Variants in SLC25A13 observed in about 807,000 individuals in gnomAD.
The protein encoded by SLC25A13 is solute carrier family 25 member 13.
SLC25A13 carries 70 observed loss-of-function variants against 85.5 expected under a neutral mutation model. The observed-to-expected ratio is 0.82, with a 90% CI of 0.68 to 1.00. The LOEUF is 1.00. Among genes scored for constraint, SLC25A13 ranks in the 50% least tolerant of loss-of-function variants. SLC25A13 has a pLI of 0.00. For synonymous variants in SLC25A13, 259 were observed against 288.7 expected (o/e 0.90, Z 1.04); for missense variants, 765 against 819.8 (o/e 0.93, Z 0.82).
chr7:96,224,719 C>T (rs952624614), intron 4 of SLC25A13, among the ~76,000 whole-genome samples: 2 of 152,118 alleles, frequency 1.3e-5, no homozygotes, highest in African/African-American at 4.8e-5. Flanking sequence ...GAAAAAAAAT[C>T]GTAACTAATG....
rs551681995 is a variant in SLC25A13, at chr7:96,247,987, G to A, written c.213-13070C>T. 2.1e-4 allele frequency among the ~76,000 whole-genome samples: 32 copies of A among 149,492 alleles called. 1 individual carries two copies. The highest frequency in any genetic ancestry group is 6.4e-4 in the African/African-American group (26 of 40,778). On this transcript the variant is annotated intron_variant, in intron 3 of 17. Transcript: ENST00000265631. ...AAAAAAAAAAAAAGAAAGAGTAGCC[G>A]CTGTCTCAAATACTCTCCATCAGCC...
intron 13 of SLC25A13, among the ~76,000 whole-genome samples, chr7:96,166,288 T>C (rs560663073): frequency 6.6e-6 from 1 of 152,320 alleles, no homozygotes; most frequent in East Asian, 1.9e-4. Context: ...AGGACCATAG[T>C]TTAAAAAACA....
chr7:96,249,589 T>C (rs180926472), intron 3 of SLC25A13, among the ~76,000 whole-genome samples: 10 of 152,344 alleles, frequency 6.6e-5, no homozygotes, highest in Non-Finnish European at 1.5e-5. Flanking sequence ...GTTTCCCCAT[T>C]CTATGCCATC....
intron 2 of SLC25A13, among the ~76,000 whole-genome samples, chr7:96,292,969 C>G (rs895963715): frequency 1.2e-4 from 18 of 152,148 alleles, no homozygotes; most frequent in Admixed American, 1.0e-3. Flanking sequence ...CCTGCATTGC[C>G]AAGTCAATCC....
At chr7:96,190,042 G>T (rs988522093) in intron 7 of SLC25A13, among the ~76,000 whole-genome samples, 9 of 150,610 alleles carry the variant, frequency 6.0e-5, no homozygotes, top group African/African-American at 2.2e-4. Context: ...AATTTAGGTG[G>T]TTATATTAAT....
chr7:96,300,506 T>C (rs1443134980), intron 1 of SLC25A13, among the ~76,000 whole-genome samples: 1 of 152,204 alleles, frequency 6.6e-6, no homozygotes, highest in Non-Finnish European at 1.5e-5. Flanking sequence ...CCAAAGATGT[T>C]TATGTTCTAC....
chr7:96,153,801 T>A lies in SLC25A13; in HGVS notation c.1312-7105A>T, dbSNP rs114394982. ...CATTCAAAAACATTATATATCTTTA[T>A]TAGAGGAGAACAATAGAACTGGTAC... On this transcript the variant is annotated intron_variant, in intron 13 of 17. Transcript: ENST00000265631. Among the ~76,000 whole-genome samples the A allele has an allele frequency of 6.1e-3, 924 of 152,302 alleles. 11 individuals are homozygous for A. Among genetic ancestry groups the A allele is most frequent in the African/African-American group, 0.021 (873 of 41,560 alleles).
intron 4 of SLC25A13, 79 bp from the exon 5 acceptor site, chr7:96,209,056 C>T (rs913763531): frequency 5.7e-6 from 8 of 1,400,318 alleles, no homozygotes; most frequent in South Asian, 3.6e-5. Context: ...GAATGGATAT[C>T]GCTTTTTCTT....
At chr7:96,207,996 T>C (rs998140195) in intron 5 of SLC25A13, among the ~76,000 whole-genome samples, 4 of 152,152 alleles carry the variant, frequency 2.6e-5, no homozygotes, top group Non-Finnish European at 5.9e-5. Context: ...CCATTAAATC[T>C]AATCTCTAGA....
chr7:96,253,986 T>TA (rs1362266231), intron 3 of SLC25A13, among the ~76,000 whole-genome samples: 1 of 152,150 alleles, frequency 6.6e-6, no homozygotes, highest in Non-Finnish European at 1.5e-5. Context: ...AACACACGAC[T>TA]AAGAGATAAA....
At chr7:96,315,479 T>A (rs1045048705) in intron 1 of SLC25A13, among the ~76,000 whole-genome samples, 4 of 152,142 alleles carry the variant, frequency 2.6e-5, no homozygotes, top group Non-Finnish European at 5.9e-5. Context: ...AGCAAAGGCA[T>A]TCATGGGAAT....
chr7:96,222,974 TA>T (rs1449067275), intron 4 of SLC25A13, among the ~76,000 whole-genome samples: 12 of 152,084 alleles, frequency 7.9e-5, no homozygotes, highest in Admixed American at 7.2e-4. Flanking sequence ...AAGTGTTAAA[TA>T]AGATATATGT....
intron 4 of SLC25A13, among the ~76,000 whole-genome samples, chr7:96,226,154 T>C (rs1026580937): frequency 2.6e-5 from 4 of 152,166 alleles, no homozygotes; most frequent in African/African-American, 9.7e-5. Flanking sequence ...ACCAAAACTT[T>C]ATGCCGGCTG....
intron 13 of SLC25A13, among the ~76,000 whole-genome samples, chr7:96,164,746 A>ACACACACACACACACACACAC: frequency 2.0e-5 from 3 of 151,724 alleles, no homozygotes; most frequent in African/African-American, 4.8e-5. Context: ...ACACACACAC[A>ACACACACACACACACACACAC]AAAGAAGCAG....
At chr7:96,176,536 G>A (rs1794229629) in intron 11 of SLC25A13, among the ~76,000 whole-genome samples, 1 of 152,208 alleles carries the variant, frequency 6.6e-6, no homozygotes, top group African/African-American at 2.4e-5. Flanking sequence ...TATTAATGTA[G>A]TATTTTGTCT....
rs190404887 is a variant in SLC25A13 at position 96,123,075 on chromosome 7, A to G, written c.1592-1078T>C. Among the ~76,000 whole-genome samples the G allele has an allele frequency of 1.4e-4, 22 of 152,304 alleles. No individual in the cohort carries two copies. The East Asian group carries it at 3.3e-3, about 23-fold the overall frequency. ...GTAAATCTGCATACTACACGCTTCCATTTATATTACTGAAGGAGTATCTCT... is the reference window on the plus strand; with the variant it reads ...GTAAATCTGCATACTACACGCTTCCGTTTATATTACTGAAGGAGTATCTCT... On this transcript the variant is annotated intron_variant, in intron 15 of 17. Coordinates refer to ENST00000265631, the MANE Select transcript of SLC25A13 (RefSeq NM_014251.3).
At chr7:96,293,228 G>A (rs1036492618) in intron 2 of SLC25A13, among the ~76,000 whole-genome samples, 1 of 152,206 alleles carries the variant, frequency 6.6e-6, no homozygotes, top group Non-Finnish European at 1.5e-5. Flanking sequence ...CTAGCCATAT[G>A]TAGAAAGTTG....
At chr7:96,212,838 A>T (rs762131633) in intron 4 of SLC25A13, among the ~76,000 whole-genome samples, 2 of 152,206 alleles carry the variant, frequency 1.3e-5, no homozygotes, top group African/African-American at 2.4e-5. Context: ...TGCAGGGAAA[A>T]AAAGGCCTGA....
chr7:96,163,269 C>T (rs376465533), intron 13 of SLC25A13, among the ~76,000 whole-genome samples: 4 of 152,234 alleles, frequency 2.6e-5, no homozygotes, highest in African/African-American at 9.6e-5. Flanking sequence ...GGGAGGCTCC[C>T]TCTCAGAATC....
Sources: allele counts gnomAD v4.1 joint callset (sites outside exome capture counted in the v4.1 genomes callset), GRCh38; gene constraint gnomAD v4.1.1; transcripts MANE v1.5; gene names NCBI Gene and HGNC (gene_info 2026-07-23, HGNC 2026-07-21).